Variants in SNRK observed in about 807,000 individuals in gnomAD.
SNRK encodes the protein SNF-related serine/threonine-protein kinase.
Under a neutral mutation model 48.2 loss-of-function variants are expected in SNRK, and 3 were observed. That is an observed-to-expected ratio of 0.06 (90% CI 0.03 to 0.16). The LOEUF is 0.16. Among genes scored for constraint, SNRK ranks in the 10% least tolerant of loss-of-function variants. SNRK has a pLI of 1.00. For missense variants in SNRK, 627 were observed against 976.0 expected, an observed-to-expected ratio of 0.64 and a Z score of 4.76; for synonymous variants, 376 against 366.1, an observed-to-expected ratio of 1.03 and a Z score of -0.31.
intron 3 of SNRK, among the ~76,000 whole-genome samples, chr3:43,321,341 C>T (rs2091052064): frequency 6.6e-6 from 1 of 152,112 alleles, no homozygotes; most frequent in African/African-American, 2.4e-5. Flanking sequence ...AAACAATCTT[C>T]AGAATCCTTA....
At chr3:43,309,612 G>GTTTT (rs35398476) in intron 3 of SNRK, among the ~76,000 whole-genome samples, 10 of 143,172 alleles carry the variant, frequency 7.0e-5, no homozygotes, top group African/African-American at 1.3e-4. Context: ...TAGAAATAAG[G>GTTTT]TTTTTTTTTT....
chr3:43,296,821 CT>C (rs1419470447), intron 1 of SNRK, among the ~76,000 whole-genome samples: 1 of 152,226 alleles, frequency 6.6e-6, no homozygotes, highest in Non-Finnish European at 1.5e-5. Flanking sequence ...GGTTCTACAA[CT>C]GTTTTCAGCA....
At chr3:43,339,252 G>C (rs921071017) in intron 4 of SNRK, among the ~76,000 whole-genome samples, 7 of 152,174 alleles carry the variant, frequency 4.6e-5, no homozygotes, top group African/African-American at 1.7e-4. Flanking sequence ...GAAGATCTAA[G>C]TTGTTTCTCA....
intron 2 of SNRK, among the ~76,000 whole-genome samples, chr3:43,300,911 T>C (rs2090893557): frequency 6.6e-6 from 1 of 152,250 alleles, no homozygotes; most frequent in Non-Finnish European, 1.5e-5. Context: ...TAGCATAGTG[T>C]TTTAAAGCAC....
chr3:43,350,570 T>C lies in SNRK; in HGVS notation c.*2013T>C, dbSNP rs535570873. 1 of 152,750 alleles carries C rather than the reference T, an allele frequency of 6.5e-6. No individual in the cohort carries two copies. The highest frequency in any genetic ancestry group is 6.5e-5 in the Admixed American group (1 of 15,304). 9.5% of individuals were successfully genotyped at this position (152,750 alleles called of 1,614,324 possible). ...CCATTTATGCTGCATAGCTGTATTA[T>C]AGCCTTATTAGTTGTGTGGTTGACC... is the stretch of plus-strand genomic sequence containing the variant. On this transcript the variant is annotated 3_prime_UTR_variant, in exon 7 of 7. Coordinates refer to ENST00000296088, the MANE Select transcript of SNRK (RefSeq NM_017719.5).
Position 43,303,752 on chromosome 3 carries a change from A to G in SNRK, c.549A>G (p.Pro183=), listed in dbSNP as rs761764704. The change falls in exon 3 of 7, where the codon CCA becomes CCG. Residue 183 remains proline, a synonymous_variant. Transcript: ENST00000296088. The surrounding 1 kb of genome is among the most constrained non-coding windows in gnomAD (Gnocchi z 6.2). ...GTGGATCTCTTGCATATTCCGCTCC[A>G]GAAATTCTGCTTGGTGATGAGTATG... ...TSCGSLAYSA[P]EILLGDEYDA... 2 of 1,613,808 alleles carry G rather than the reference A, an allele frequency of 1.2e-6. No individual in the cohort carries two copies. Among genetic ancestry groups the G allele is most frequent in the Non-Finnish European group, 1.7e-6 (2 of 1,179,974 alleles).
chr3:43,332,393 T>C, intron 4 of SNRK, 83 bp downstream of exon 4: 2 of 987,668 alleles, frequency 2.0e-6, no homozygotes, highest in Non-Finnish European at 2.7e-6. Flanking sequence ...TCAAGAAAAT[T>C]TGAGAGGACT....
chr3:43,343,226 A>C, intron 5 of SNRK, 118 bp from the exon 6 acceptor site: 1 of 1,319,460 alleles, frequency 7.6e-7, no homozygotes, highest in South Asian at 2.2e-5. Flanking sequence ...TTTTTTGCAT[A>C]ATTTTAAAGA....
chr3:43,330,093 G>T (rs1011632371), intron 3 of SNRK, among the ~76,000 whole-genome samples: 1 of 152,124 alleles, frequency 6.6e-6, no homozygotes, highest in East Asian at 1.9e-4. Context: ...GGAAAGATAT[G>T]AATTTATTGT....
intron 3 of SNRK, among the ~76,000 whole-genome samples, chr3:43,328,480 C>G (rs2091112573): frequency 1.3e-5 from 2 of 152,094 alleles, no homozygotes; most frequent in African/African-American, 4.8e-5. Flanking sequence ...AAGTGATCCT[C>G]CCACCTTAGG....
intron 1 of SNRK, among the ~76,000 whole-genome samples, chr3:43,297,812 A>G (rs1465962579): frequency 3.9e-5 from 6 of 152,164 alleles, no homozygotes; most frequent in Admixed American, 2.0e-4. Context: ...ATTTTATTGA[A>G]AAACCCCCAG....
chr3:43,305,599 C>T (rs1040325503), intron 3 of SNRK, among the ~76,000 whole-genome samples: 3 of 151,442 alleles, frequency 2.0e-5, no homozygotes, highest in African/African-American at 7.3e-5. Flanking sequence ...TCTCCTGCCT[C>T]AGCCTCCCGA....
At chr3:43,336,780 CT>C (rs1356597314) in intron 4 of SNRK, among the ~76,000 whole-genome samples, 13 of 152,256 alleles carry the variant, frequency 8.5e-5, no homozygotes. Context: ...GAGACGGAGT[CT>C]CGCTCTGTTG....
At chr3:43,305,743 C>T (rs2090932895) in intron 3 of SNRK, among the ~76,000 whole-genome samples, 1 of 152,110 alleles carries the variant, frequency 6.6e-6, no homozygotes, top group Admixed American at 6.5e-5. Flanking sequence ...CCTCAGCCTC[C>T]CAAAGTGCTG....
At chr3:43,298,294 C>T (rs1209433398) in intron 1 of SNRK, among the ~76,000 whole-genome samples, 1 of 152,078 alleles carries the variant, frequency 6.6e-6, no homozygotes. Flanking sequence ...ACTGTACTAC[C>T]GCACTGCTTT....
intron 3 of SNRK, among the ~76,000 whole-genome samples, chr3:43,330,062 G>T (rs1300563977): frequency 6.6e-6 from 1 of 152,142 alleles, no homozygotes; most frequent in East Asian, 1.9e-4. Context: ...TATAAAAGTT[G>T]ATGTTTTATA....
rs1310724125 is a variant in SNRK, at chr3:43,349,227, C to G, written c.*670C>G. The G allele has an allele frequency of 6.6e-6, 1 of 152,620 alleles. No homozygotes were observed. Among genetic ancestry groups the G allele is most frequent in the Non-Finnish European group, 1.5e-5 (1 of 68,026 alleles). The allele number at this position is 152,620 out of a possible 1,614,324, so 9.5% of individuals were successfully genotyped here. ...TTTTTGTAATAGGTGAGATAAAGTACTTAGATTTATAAGGCAGCTTCCCCT... is the reference window on the plus strand; with the variant it reads ...TTTTTGTAATAGGTGAGATAAAGTAGTTAGATTTATAAGGCAGCTTCCCCT... On this transcript the variant is annotated 3_prime_UTR_variant, in exon 7 of 7. Transcript: ENST00000296088.
Position 43,303,048 on chromosome 3 carries a change from GT to G in SNRK, c.-106-49del. On this transcript the variant is annotated intron_variant, in intron 2 of 6. Transcript: ENST00000296088. This position sits in a 1 kb window ranked among gnomAD's most constrained non-coding sequence, Gnocchi z 6.2. ...AAAAAATGAAGTGATTTTAAAGTTT[GT>G]GAAGAAAAGTCGCAGAAACTTAATT... 2.0e-6 allele frequency: 1 copy of G among 504,614 alleles called. No homozygotes were observed. Among genetic ancestry groups the G allele is most frequent in the Non-Finnish European group, 3.4e-6 (1 of 294,500 alleles). 31.3% of individuals were successfully genotyped at this position (504,614 alleles called of 1,614,324 possible).
chr3:43,339,118 ATTTAC>A (rs538190056), intron 4 of SNRK, among the ~76,000 whole-genome samples: 79 of 152,242 alleles, frequency 5.2e-4, no homozygotes, highest in Admixed American at 2.1e-3. Flanking sequence ...GGGTGGGTGT[ATTTAC>A]TTCTCTACTA....
Sources: allele counts gnomAD v4.1 joint callset (sites outside exome capture counted in the v4.1 genomes callset), GRCh38; gene constraint gnomAD v4.1.1; non-coding constraint Gnocchi (gnomAD v3.1); transcripts MANE v1.5; gene names NCBI Gene and HGNC (gene_info 2026-07-23, HGNC 2026-07-21).